EVI5: variants seen among roughly 807,000 people sequenced by gnomAD.
EVI5 encodes the protein ecotropic viral integration site 5 protein homolog.
Under a neutral mutation model 112.0 loss-of-function variants are expected in EVI5, and 73 were observed. That is an observed-to-expected ratio of 0.65 (90% CI 0.54 to 0.79). The LOEUF (loss-of-function observed/expected upper bound fraction) is 0.79, where lower values mean the gene tolerates loss of function less well. Ranked by LOEUF, EVI5 falls within the 30% of genes least tolerant of loss-of-function variation. EVI5 has a pLI of 0.00. For synonymous variants in EVI5, 305 were observed against 319.9 expected, an observed-to-expected ratio of 0.95 and a Z score of 0.50; for missense variants, 900 against 968.8, an observed-to-expected ratio of 0.93 and a Z score of 0.94.
chr1:92,569,852 C>CAAAAA (rs1184172805), intron 18 of EVI5, among the ~76,000 whole-genome samples: 13 of 39,496 alleles, frequency 3.3e-4, no homozygotes, highest in East Asian at 1.3e-3. Flanking sequence ...GACTCCATCT[C>CAAAAA]AAAAAAAAAA....
chr1:92,654,849 G>T (rs1207370635), intron 13 of EVI5, among the ~76,000 whole-genome samples: 2 of 152,114 alleles, frequency 1.3e-5, no homozygotes, highest in Non-Finnish European at 2.9e-5. Flanking sequence ...AGCTTTAACA[G>T]TAGACTAAAC....
At chr1:92,785,187 G>C (rs961243152), upstream of EVI5, 4 of 843,868 alleles carry the variant, frequency 4.7e-6, no homozygotes, top group Non-Finnish European at 5.7e-6. Flanking sequence ...TAGGGGCCGG[G>C]CGGGCCGGCC....
intron 18 of EVI5, among the ~76,000 whole-genome samples, chr1:92,575,726 G>C (rs1033828580): frequency 1.3e-5 from 2 of 151,680 alleles, no homozygotes; most frequent in African/African-American, 4.8e-5. Flanking sequence ...AGCACACTTG[G>C]TTAATTTTTG....
chr1:92,693,344 C>T (rs778276741), intron 9 of EVI5, among the ~76,000 whole-genome samples: 6 of 151,960 alleles, frequency 3.9e-5, no homozygotes, highest in South Asian at 2.1e-4. Context: ...CATAATCACA[C>T]CACTGTACTC....
At chr1:92,756,455 C>A in intron 1 of EVI5, 1 of 539,754 alleles carries the variant, frequency 1.9e-6, no homozygotes, top group South Asian at 1.4e-5. Flanking sequence ...GATTATACTT[C>A]GTCTTTCTCC....
At chr1:92,546,071 A>T (rs980020638) in intron 19 of EVI5, among the ~76,000 whole-genome samples, 15 of 152,066 alleles carry the variant, frequency 9.9e-5, no homozygotes, top group South Asian at 2.1e-4. Context: ...TAAACTCATC[A>T]ACTGGAACTA....
intron 13 of EVI5, among the ~76,000 whole-genome samples, chr1:92,643,253 T>C (rs1463871253): frequency 1.3e-5 from 2 of 151,930 alleles, no homozygotes; most frequent in East Asian, 3.8e-4. Flanking sequence ...ATTTATTTAG[T>C]GCACTAAATA....
At chr1:92,640,269 T>C (rs527502978) in intron 13 of EVI5, among the ~76,000 whole-genome samples, 1 of 152,042 alleles carries the variant, frequency 6.6e-6, no homozygotes, top group Non-Finnish European at 1.5e-5. Flanking sequence ...AAATGGGATC[T>C]AATTAAAGAG....
At chr1:92,628,748 A>G (rs1556564) in intron 14 of EVI5, among the ~76,000 whole-genome samples, 1 of 152,176 alleles carries the variant, frequency 6.6e-6, no homozygotes, top group Admixed American at 6.5e-5. Flanking sequence ...TGATTCTATG[A>G]AATTTTCTAT....
At chr1:92,561,696 G>A (rs1668663762) in intron 19 of EVI5, among the ~76,000 whole-genome samples, 2 of 151,460 alleles carry the variant, frequency 1.3e-5, no homozygotes, top group East Asian at 3.9e-4. Flanking sequence ...GGAGTGCAGT[G>A]GCATGATCTC....
At chr1:92,627,994 T>A (rs1025380202) in intron 14 of EVI5, among the ~76,000 whole-genome samples, 1 of 152,158 alleles carries the variant, frequency 6.6e-6, no homozygotes, top group East Asian at 1.9e-4. Flanking sequence ...TTCATTATCT[T>A]GGCCAGGCTG....
rs1286158140 is a variant in EVI5, at chr1:92,510,216, G to A, written c.*3440C>T. On this transcript the variant is annotated 3_prime_UTR_variant, in exon 20 of 20. Transcript: ENST00000684568. ...AGAAATGGTACTTAAGAATATCAAC[G>A]TTTAGAATTCAAACATGATTCTAGA... The A allele has an allele frequency of 3.9e-5, 6 of 152,074 alleles. No homozygotes were observed. The highest frequency in any genetic ancestry group is 8.8e-5 in the Non-Finnish European group (6 of 68,016). 9.4% of individuals were successfully genotyped at this position (152,074 alleles called of 1,614,324 possible).
intron 1 of EVI5, among the ~76,000 whole-genome samples, chr1:92,745,088 T>C (rs1249965773): frequency 4.0e-5 from 6 of 149,490 alleles, no homozygotes. Context: ...ACAACTACCA[T>C]GCCAGGCTAA....
chr1:92,598,022 G>T (rs1571804586), intron 18 of EVI5, among the ~76,000 whole-genome samples: 1 of 152,304 alleles, frequency 6.6e-6, no homozygotes, highest in South Asian at 2.1e-4. Context: ...TCACACCACT[G>T]CACTCTGGTC....
In EVI5 at chr1:92,772,103, C is replaced by A. The variant is rs866890171; in HGVS notation, c.-82+12733G>T. Among the ~76,000 whole-genome samples the A allele has an allele frequency of 2.8e-4, 43 of 151,640 alleles. 1 individual carries two copies. Among genetic ancestry groups the A allele is most frequent in the Middle Eastern group, 3.4e-3 (1 of 294 alleles). On this transcript the variant is annotated intron_variant, in intron 1 of 19. Coordinates refer to ENST00000684568, the MANE Select transcript of EVI5 (RefSeq NM_001350197.2). ...TCCTGACCTTGTGATCTGCCCACCT[C>A]GGCCTCCCAAAGTGCTGGAATTACA...
At chr1:92,669,654 T>G (rs1285652904) in intron 10 of EVI5, among the ~76,000 whole-genome samples, 1 of 151,942 alleles carries the variant, frequency 6.6e-6, no homozygotes, top group African/African-American at 2.4e-5. Context: ...AGTTTTCCAG[T>G]GTTTGTTAGG....
In EVI5 at chr1:92,625,789, T is replaced by A. The variant is rs1182903691; in HGVS notation, c.1668+5A>T. The stretch of plus-strand genomic sequence containing the variant: ...TAAAAAAGCACACAAAATATATTAA[T>A]ATACCTGCCAGTGTTCCTCTAAATC... On this transcript the variant is annotated splice_donor_5th_base_variant and intron_variant, in intron 15 of 19. Coordinates refer to ENST00000684568, the MANE Select transcript of EVI5 (RefSeq NM_001350197.2). The A allele has an allele frequency of 1.9e-6, 3 of 1,609,502 alleles. No homozygotes were observed. The highest frequency in any genetic ancestry group is 1.7e-6 in the Non-Finnish European group (2 of 1,178,172).
intron 18 of EVI5, among the ~76,000 whole-genome samples, chr1:92,569,540 T>C (rs1669983690): frequency 6.6e-6 from 1 of 152,114 alleles, no homozygotes; most frequent in Non-Finnish European, 1.5e-5. Flanking sequence ...TGCCTCTTGT[T>C]TTTAATCACC....
At chr1:92,734,366 C>A (rs533606525) in intron 2 of EVI5, among the ~76,000 whole-genome samples, 1 of 152,134 alleles carries the variant, frequency 6.6e-6, no homozygotes, top group South Asian at 2.1e-4. Flanking sequence ...AAACACTTGC[C>A]GAAAGTAACT....
Sources: gnomAD v4.1 joint callset for allele counts (sites outside exome capture counted in the v4.1 genomes callset) on GRCh38, gnomAD v4.1.1 for gene constraint, MANE v1.5 for transcripts, NCBI Gene and HGNC (gene_info 2026-07-23, HGNC 2026-07-21) for gene names.